Variants in ZNF385D observed in about 807,000 individuals in gnomAD.
The protein encoded by ZNF385D is zinc finger protein 385D, also known as zinc finger protein 659.
In ZNF385D, 15 loss-of-function variants were observed where a neutral mutation model predicts 35.8. That is an observed-to-expected ratio of 0.42 (90% CI 0.28 to 0.64). The LOEUF is 0.64. ZNF385D is among the 30% of genes least tolerant of loss of function. The pLI is 0.23. For synonymous variants in ZNF385D, 212 were observed against 186.8 expected (o/e 1.13, Z -1.10); for missense variants, 474 against 494.6 (o/e 0.96, Z 0.39).
intron 3 of ZNF385D, among the ~76,000 whole-genome samples, chr3:21,962,458 A>T (rs1702650228): frequency 6.6e-6 from 1 of 152,226 alleles, no homozygotes; most frequent in Non-Finnish European, 1.5e-5. Context: ...AAGGCATCAT[A>T]GCAGAGGTGT....
At chr3:21,989,012 TCGCGCACGGTG>T (rs1273094892) in intron 3 of ZNF385D, among the ~76,000 whole-genome samples, 2 of 152,074 alleles carry the variant, frequency 1.3e-5, no homozygotes, top group Admixed American at 6.5e-5. Context: ...CTGCTTCGGC[TCGCGCACGGTG>T]CGCGCACCCA....
In ZNF385D at chr3:21,939,361, C is replaced by A. The variant is rs73131365; in HGVS notation, c.325+229456G>T. 8.1e-3 allele frequency among the ~76,000 whole-genome samples: 1,231 copies of A among 152,116 alleles called. 13 individuals are homozygous for A. The highest frequency in any genetic ancestry group is 0.028 in the African/African-American group (1,173 of 41,486). On this transcript the variant is annotated intron_variant, in intron 3 of 5. Transcript: ENST00000494108. ...GGAACGTAAGGAATTTCTCAAAGACCATTCAGAAGGTAAGAGTGGTGAAAA... is the reference window on the plus strand; with the variant it reads ...GGAACGTAAGGAATTTCTCAAAGACAATTCAGAAGGTAAGAGTGGTGAAAA...
chr3:21,953,715 A>G (rs949937831), intron 3 of ZNF385D, among the ~76,000 whole-genome samples: 4 of 152,004 alleles, frequency 2.6e-5, no homozygotes, highest in African/African-American at 9.7e-5. Context: ...CCAGCCATCC[A>G]TTTTTTTAAT....
chr3:21,839,868 G>A (rs915457513), intron 3 of ZNF385D, among the ~76,000 whole-genome samples: 13 of 152,006 alleles, frequency 8.6e-5, no homozygotes, highest in Admixed American at 8.5e-4. Context: ...CTCTACTGGA[G>A]GGGTCAGAAA....
intron 1 of ZNF385D, among the ~76,000 whole-genome samples, chr3:21,683,595 TGA>T (rs778454742): frequency 4.0e-5 from 6 of 149,188 alleles, no homozygotes; most frequent in Non-Finnish European, 7.4e-5. Context: ...CCAGCCTGGG[TGA>T]GAGAGTGAGA....
intron 3 of ZNF385D, among the ~76,000 whole-genome samples, chr3:21,768,008 A>G (rs890702390): frequency 1.3e-5 from 2 of 152,090 alleles, no homozygotes; most frequent in Non-Finnish European, 1.5e-5. Flanking sequence ...ACATAAGTAC[A>G]TCCTAAGCAT....
At chr3:21,692,205 A>C (rs2125348191) in intron 1 of ZNF385D, among the ~76,000 whole-genome samples, 1 of 152,306 alleles carries the variant, frequency 6.6e-6, no homozygotes, top group Middle Eastern at 3.4e-3. Context: ...TTTTTGGATG[A>C]AGACCCTGAG....
At position 21,413,134 on chromosome 3, in the gene ZNF385D, C is replaced by G. The variant is rs1559427106; in HGVS notation, c.*8080G>C. On this transcript the variant is annotated 3_prime_UTR_variant, in exon 8 of 8. Coordinates refer to ENST00000281523, the MANE Select transcript of ZNF385D (RefSeq NM_024697.3). ...AACAATAACATATAGAATCATCATT[C>G]AACTATCATAATATAAAACACAATA... 6.6e-6 allele frequency: 1 copy of G among 151,782 alleles called. No individual in the cohort carries two copies. The highest frequency in any genetic ancestry group is 2.4e-5 in the African/African-American group (1 of 41,278). The allele number at this position is 151,782 out of a possible 1,614,324, so 9.4% of individuals were successfully genotyped here.
At chr3:22,000,538 G>A (rs1695775283) in intron 3 of ZNF385D, among the ~76,000 whole-genome samples, 1 of 151,968 alleles carries the variant, frequency 6.6e-6, no homozygotes, top group Admixed American at 6.6e-5. Flanking sequence ...AGCCCTTGGG[G>A]GTTGCTCTGT....
intron 3 of ZNF385D, among the ~76,000 whole-genome samples, chr3:21,831,341 A>G (rs183574261): frequency 1.3e-5 from 2 of 152,298 alleles, no homozygotes; most frequent in East Asian, 3.9e-4. Context: ...AAATATATAC[A>G]AAGTATTGTG....
intron 2 of ZNF385D, among the ~76,000 whole-genome samples, chr3:22,201,775 A>C (rs1696816215): frequency 6.6e-6 from 1 of 151,782 alleles, no homozygotes. Flanking sequence ...CATTCACTAT[A>C]AAATTAAACA....
intron 3 of ZNF385D, among the ~76,000 whole-genome samples, chr3:22,037,658 T>C (rs1372794748): frequency 6.6e-6 from 1 of 152,190 alleles, no homozygotes; most frequent in African/African-American, 2.4e-5. Flanking sequence ...TTCTGTAGGT[T>C]GACTGTTCAC....
chr3:21,754,646 C>T (rs1462720450), upstream of ZNF385D, among the ~76,000 whole-genome samples: 1 of 151,842 alleles, frequency 6.6e-6, no homozygotes, highest in Admixed American at 6.6e-5. Context: ...TGCCTTTGTC[C>T]CTCCCCTGAC....
At chr3:21,552,988 A>G (rs2062617033) in intron 3 of ZNF385D, among the ~76,000 whole-genome samples, 1 of 152,202 alleles carries the variant, frequency 6.6e-6, no homozygotes, top group Non-Finnish European at 1.5e-5. Flanking sequence ...TACACGTGGG[A>G]CAAACTGAGA....
intron 3 of ZNF385D, among the ~76,000 whole-genome samples, chr3:22,053,252 G>T (rs1455478995): frequency 1.2e-5 from 1 of 82,440 alleles, no homozygotes; most frequent in Non-Finnish European, 2.5e-5. Context: ...CTAGCAGAAG[G>T]CAAGAAATAA....
chr3:21,613,724 A>G (rs145961617), intron 2 of ZNF385D, among the ~76,000 whole-genome samples: 200 of 152,294 alleles, frequency 1.3e-3, no homozygotes, highest in African/African-American at 4.4e-3. Context: ...TTGGGGTTGA[A>G]AGTTGGAGCT....
intron 4 of ZNF385D, among the ~76,000 whole-genome samples, chr3:21,509,573 CT>C (rs970606656): frequency 6.6e-6 from 1 of 151,672 alleles, no homozygotes; most frequent in Non-Finnish European, 1.5e-5. Flanking sequence ...ACAAGCCTGT[CT>C]TTTTTTTTCC....
At chr3:21,666,017 T>C (rs1038681247) in intron 1 of ZNF385D, among the ~76,000 whole-genome samples, 3 of 152,146 alleles carry the variant, frequency 2.0e-5, no homozygotes, top group Non-Finnish European at 4.4e-5. Flanking sequence ...CAAAATGCAG[T>C]GGGATTTTTT....
chr3:21,679,202 G>T lies in ZNF385D; in HGVS notation c.23-14174C>A, dbSNP rs1162568953. Among the ~76,000 whole-genome samples the T allele has an allele frequency of 2.6e-5, 4 of 152,082 alleles. No individual in the cohort carries two copies. The East Asian group carries it at 7.7e-4, about 29-fold the overall frequency. ...AATAAGAATAACAGCTAAATTCCAGGATTTCTGTAAGGCTTACAGGGAGAA... is the reference window on the plus strand; with the variant it reads ...AATAAGAATAACAGCTAAATTCCAGTATTTCTGTAAGGCTTACAGGGAGAA... On this transcript the variant is annotated intron_variant, in intron 1 of 7. Coordinates refer to ENST00000281523, the MANE Select transcript of ZNF385D (RefSeq NM_024697.3).
Sources: allele counts gnomAD v4.1 joint callset (sites outside exome capture counted in the v4.1 genomes callset), GRCh38; gene constraint gnomAD v4.1.1; transcripts MANE v1.5; gene names NCBI Gene and HGNC (gene_info 2026-07-23, HGNC 2026-07-21).